Variants in INPPL1 observed in about 807,000 individuals in gnomAD.
The protein encoded by INPPL1 is inositol polyphosphate phosphatase like 1, also known as phosphatidylinositol 3,4,5-trisphosphate 5-phosphatase 2.
In INPPL1, 91 loss-of-function variants were observed where a neutral mutation model predicts 139.3. The observed-to-expected ratio is 0.65, with a 90% CI of 0.55 to 0.78. The LOEUF (loss-of-function observed/expected upper bound fraction) is 0.78. Ranked by LOEUF, INPPL1 falls within the 30% of genes least tolerant of loss-of-function variation. The pLI is 0.00. For synonymous variants in INPPL1, 719 were observed against 686.6 expected (o/e 1.05, Z -0.74); for missense variants, 1,411 against 1,665.6 (o/e 0.85, Z 2.66).
chr11:72,233,470 C>T lies in INPPL1; in HGVS notation c.2070C>T (p.Asp690=), dbSNP rs112721877. Reference sequence around the variant, plus strand: ...GGACCAATGTGCCCTCATGGTGTGACCGGATTCTGTGGAAATCCTACCCTG... The same window carrying T: ...GGACCAATGTGCCCTCATGGTGTGATCGGATTCTGTGGAAATCCTACCCTG... ...GVRTNVPSWC[D]RILWKSYPET... Residue 690 remains aspartate (D), a synonymous_variant, in exon 18 of 28, where the codon GAC becomes GAT. Coordinates refer to ENST00000298229, the MANE Select transcript of INPPL1 (RefSeq NM_001567.4). 19 of 1,614,066 alleles carry T rather than the reference C, an allele frequency of 1.2e-5. No homozygotes were observed. The highest frequency in any genetic ancestry group is 1.6e-4 in the Middle Eastern group (1 of 6,080).
At chr11:72,231,802 G>T (rs546263954) in intron 13 of INPPL1, among the ~76,000 whole-genome samples, 187 bp downstream of exon 13, 1 of 152,166 alleles carries the variant, frequency 6.6e-6, no homozygotes, top group Non-Finnish European at 1.5e-5. Flanking sequence ...GCAAGGCCAG[G>T]ATAATTACCC....
At position 72,235,342 on chromosome 11, in the gene INPPL1, A is replaced by G. The variant is rs1157099238; in HGVS notation, c.2550A>G (p.Gln850=). The change falls in exon 23 of 28, where the codon CAA becomes CAG. Residue 850 remains glutamine (Q), a synonymous_variant. Transcript: ENST00000298229. This position sits in a 1 kb window ranked among gnomAD's most constrained non-coding sequence, Gnocchi z 4.9. The part of the protein sequence containing the change: ...ALKSMIGSTA[Q]QFLTFLSHRG... ...AATCCATGATCGGCAGCACGGCCCA[A>G]CAGTTCCTGACCTTCCTATCCCACC... The G allele has an allele frequency of 6.2e-7, 1 of 1,614,084 alleles. No individual in the cohort carries two copies. The highest frequency in any genetic ancestry group is 8.5e-7 in the Non-Finnish European group (1 of 1,180,018).
intron 1 of INPPL1, among the ~76,000 whole-genome samples, chr11:72,227,240 G>A (rs1404209968): frequency 6.6e-6 from 1 of 152,148 alleles, no homozygotes. Flanking sequence ...GTGGCCTTAG[G>A]AAAATCACTT....
At chr11:72,231,878 A>G (rs1354029669) in intron 13 of INPPL1, among the ~76,000 whole-genome samples, 1 of 152,198 alleles carries the variant, frequency 6.6e-6, no homozygotes, top group Admixed American at 6.5e-5. Flanking sequence ...TCACACAGCA[A>G]GTAAGTGGTG....
Position 72,232,887 on chromosome 11 carries a change from T to G in INPPL1, c.1864T>G (p.Tyr622Asp). The G allele has an allele frequency of 6.2e-7, 1 of 1,614,018 alleles. No individual in the cohort carries two copies. ...LDMDIQEILNYISRKEFEPLL... is the reference protein window; with the variant it reads ...LDMDIQEILNDISRKEFEPLL... Reference sequence around the variant, plus strand: ...TCCTCCACCCCAGGAGATCCTGAACTACATCAGCAGGAAAGAGTTTGAGCC... The same window carrying G: ...TCCTCCACCCCAGGAGATCCTGAACGACATCAGCAGGAAAGAGTTTGAGCC... The change falls in exon 16 of 28, where the codon TAC (tyrosine) becomes GAC (aspartate). Residue 622 changes from tyrosine (Y) to aspartate (D), a missense_variant. By Grantham distance (160) the Tyr-to-Asp change is radical. Transcript: ENST00000298229.
In INPPL1 at chr11:72,232,260, G is replaced by A. The variant is rs376117918; in HGVS notation, c.1636G>A (p.Val546Ile). 71 of 1,556,870 alleles carry A rather than the reference G, an allele frequency of 4.6e-5. No individual in the cohort carries two copies. Among genetic ancestry groups the A allele is most frequent in the Admixed American group, 1.2e-4 (6 of 51,506 alleles). ...NTLGNKGAVG[V>I]SFMFNGTSFG... ...AACAGGGAACAAGGGGGCTGTGGGC[G>A]TCTCCTTCATGTTTAATGGCACCTC... is the stretch of plus-strand genomic sequence containing the variant. The change falls in exon 14 of 28, where the codon GTC (valine) becomes ATC (isoleucine). Residue 546 changes from valine (V) to isoleucine (I), a missense_variant. Physicochemically the swap from Val to Ile is conservative, Grantham distance 29 (BLOSUM62 3). Coordinates refer to ENST00000298229, the MANE Select transcript of INPPL1 (RefSeq NM_001567.4).
intron 1 of INPPL1, 23 bp downstream of exon 1, chr11:72,225,189 G>C (rs1948633988): frequency 1.1e-6 from 1 of 947,548 alleles, no homozygotes; most frequent in Non-Finnish European, 1.4e-6. Flanking sequence ...GGGGCTCCTT[G>C]CGGGCTGGCG....
rs375761722 is a variant in INPPL1, at chr11:72,229,635, G to C, written c.754-28G>C. ...GGGAGGCTCTGCTTAGGTGACTCAT[G>C]TACAAGCCTGGTTCTTCCTCCCCCC... On this transcript the variant is annotated intron_variant, in intron 6 of 27. Coordinates refer to ENST00000298229, the MANE Select transcript of INPPL1 (RefSeq NM_001567.4). The C allele has an allele frequency of 1.2e-5, 20 of 1,613,022 alleles. No homozygotes were observed. In the African/African-American group the frequency reaches 2.4e-4, roughly 19 times the overall value.
At chr11:72,230,505 G>C in intron 10 of INPPL1, 37 bp downstream of exon 10, 2 of 1,576,734 alleles carry the variant, frequency 1.3e-6, no homozygotes, top group Non-Finnish European at 1.7e-6. Flanking sequence ...TGGGGACTGC[G>C]GGGGTCCCCC....
chr11:72,235,939 C>T lies in INPPL1; in HGVS notation c.2832C>T (p.Pro944=). 6.2e-7 allele frequency: 1 copy of T among 1,611,744 alleles called. No individual in the cohort carries two copies. Among genetic ancestry groups the T allele is most frequent in the Non-Finnish European group, 8.5e-7 (1 of 1,179,178 alleles). ...EPEKPPPTGR[P]PAPPRAAPRE... is the part of the protein sequence containing the mutation. ...AGAAACCGCCACCAACGGGGAGGCCCCCAGCCCCACCCCGAGCAGCTCCCC... is the reference window on the plus strand; with the variant it reads ...AGAAACCGCCACCAACGGGGAGGCCTCCAGCCCCACCCCGAGCAGCTCCCC... The change falls in exon 25 of 28, where the codon CCC becomes CCT. Residue 944 remains proline (P), a synonymous_variant. Transcript: ENST00000298229. This position sits in a 1 kb window ranked among gnomAD's most constrained non-coding sequence, Gnocchi z 4.9.
Position 72,230,288 on chromosome 11 carries a change from C to A in INPPL1, c.1090+17C>A. On this transcript the variant is annotated intron_variant, in intron 9 of 27. Transcript: ENST00000298229. ...ACGACCGCAGTGAGCCAGGGCCAGA[C>A]CTGGGAGGGGTGGGCAGGGCGGAGC... is the stretch of plus-strand genomic sequence containing the variant. 1.2e-6 allele frequency: 2 copies of A among 1,609,814 alleles called. No individual in the cohort carries two copies. The highest frequency in any genetic ancestry group is 1.7e-6 in the Non-Finnish European group (2 of 1,177,434).
chr11:72,232,219 C>T, intron 13 of INPPL1, 21 bp from the exon 14 acceptor site: 2 of 1,543,314 alleles, frequency 1.3e-6, no homozygotes, highest in East Asian at 4.9e-5. Context: ...CCAGGCCTTC[C>T]TCTCTTGCTT....
Position 72,225,150 on chromosome 11 carries a change from T to C in INPPL1, c.166T>C (p.Phe56Leu). 1 of 1,230,618 alleles carries C rather than the reference T, an allele frequency of 8.1e-7. No homozygotes were observed. Among genetic ancestry groups the C allele is most frequent in the Non-Finnish European group, 1.0e-6 (1 of 986,986 alleles). 76.2% of individuals were successfully genotyped at this position (1,230,618 alleles called of 1,614,324 possible). ...AGACAGCGAGAGCGTGGCGGGGGCC[T>C]TCGCGCTCTGCGTCCTGTGAGTGGG... is the stretch of plus-strand genomic sequence containing the variant. ...VRDSESVAGAFALCVLYQKHV... is the reference protein window; with the variant it reads ...VRDSESVAGALALCVLYQKHV... The change falls in exon 1 of 28, where the codon TTC becomes CTC. Residue 56 changes from phenylalanine (F) to leucine (L), a missense_variant. Around this residue, in one of 5 missense-constraint regions of INPPL1, gnomAD observed 504 missense variants for 595.6 expected, o/e 0.85. Transcript: ENST00000298229.
At chr11:72,224,474 A>G (rs1049810473), upstream of INPPL1, among the ~76,000 whole-genome samples, 1 of 149,180 alleles carries the variant, frequency 6.7e-6, no homozygotes, top group African/African-American at 2.5e-5. Flanking sequence ...GAGAACTGAG[A>G]AGCGCTGAAT....
At position 72,231,043 on chromosome 11, in the gene INPPL1, C is replaced by G. The variant is rs779086037; in HGVS notation, c.1351C>G (p.Leu451Val). The G allele has an allele frequency of 6.2e-7, 1 of 1,614,112 alleles. No individual in the cohort carries two copies. The highest frequency in any genetic ancestry group is 8.5e-7 in the Non-Finnish European group (1 of 1,180,012). The change falls in exon 12 of 28, where the codon CTG (leucine) becomes GTG (valine). Residue 451 changes from leucine to valine, a missense_variant. By Grantham distance (32) the Leu-to-Val change is conservative. Coordinates refer to ENST00000298229, the MANE Select transcript of INPPL1 (RefSeq NM_001567.4). ...NVTSWFTSKG[L>V]GKTLDEVTVT... is the part of the protein sequence containing the mutation. ...GACATCCTGGTTCACATCGAAGGGT[C>G]TGGGGAAGACCCTGGACGAGGTCAC... is the stretch of plus-strand genomic sequence containing the variant.
At position 72,233,702 on chromosome 11, in the gene INPPL1, A is replaced by C; in HGVS notation, c.2170A>C (p.Thr724Pro). 1 of 1,613,996 alleles carries C rather than the reference A, an allele frequency of 6.2e-7. No homozygotes were observed. The highest frequency in any genetic ancestry group is 1.1e-5 in the South Asian group (1 of 91,064). The change falls in exon 19 of 28, where the codon ACA becomes CCA. Residue 724 changes from threonine (T) to proline (P), a missense_variant. By Grantham distance (38) the Thr-to-Pro change is conservative. This residue lies in a region of INPPL1 where 363 missense variants were observed against 446.2 expected (regional missense o/e 0.81). Coordinates refer to ENST00000298229, the MANE Select transcript of INPPL1 (RefSeq NM_001567.4). ...CAGCGACCATTCCCCCGTGTTTGGGACATTTGAGGTTGGAGTTACCTCCCA... is the reference window on the plus strand; with the variant it reads ...CAGCGACCATTCCCCCGTGTTTGGGCCATTTGAGGTTGGAGTTACCTCCCA... The part of the protein sequence containing the change: ...VTSDHSPVFG[T>P]FEVGVTSQFI...
At position 72,235,544 on chromosome 11, in the gene INPPL1, G is replaced by A. The variant is rs1048613836; in HGVS notation, c.2659+93G>A. 1.9e-6 allele frequency: 3 copies of A among 1,560,530 alleles called. No homozygotes were observed. Among genetic ancestry groups the A allele is most frequent in the Non-Finnish European group, 2.6e-6 (3 of 1,144,758 alleles). ...CATGTTGGAATCTCTGGGATACCTG[G>A]AGGTTCTGCAGCCACAGCTGGGAAT... is the stretch of plus-strand genomic sequence containing the variant. On this transcript the variant is annotated intron_variant, in intron 23 of 27. Coordinates refer to ENST00000298229, the MANE Select transcript of INPPL1 (RefSeq NM_001567.4). This position sits in a 1 kb window ranked among gnomAD's most constrained non-coding sequence, Gnocchi z 4.9.
rs1948861809 is a variant in INPPL1, at chr11:72,232,462, T to C, written c.1712+126T>C. ...TCTCCAGAGACCCCCTGCTCTCTTA[T>C]CCCAATTCAAGACCCTTCTGTTCCT... On this transcript the variant is annotated intron_variant, in intron 14 of 27. Coordinates refer to ENST00000298229, the MANE Select transcript of INPPL1 (RefSeq NM_001567.4). 5 of 1,213,908 alleles carry C rather than the reference T, an allele frequency of 4.1e-6. No individual in the cohort carries two copies. In the South Asian group the frequency reaches 4.2e-5, roughly 10 times the overall value. 75.2% of individuals were successfully genotyped at this position (1,213,908 alleles called of 1,614,324 possible). A position where few individuals can be genotyped will look rare whatever the true frequency, so the allele number is the denominator to read the frequency against.
Position 72,228,587 on chromosome 11 carries a change from C to T in INPPL1, c.397+89C>T. On this transcript the variant is annotated intron_variant, in intron 3 of 27. Transcript: ENST00000298229. The surrounding 1 kb of genome is among the most constrained non-coding windows in gnomAD (Gnocchi z 5.0). ...TCCCCCCTTCTCAACCCCACCTCTC[C>T]TGTAACCCCCTTTCCCTTGGCCATG... 1 of 1,554,542 alleles carries T rather than the reference C, an allele frequency of 6.4e-7. No homozygotes were observed. Among genetic ancestry groups the T allele is most frequent in the Non-Finnish European group, 8.7e-7 (1 of 1,145,708 alleles).
Sources: gnomAD v4.1 joint callset for allele counts (sites outside exome capture counted in the v4.1 genomes callset) on GRCh38, gnomAD v4.1.1 for gene constraint, gnomAD v4.1.1 regional missense constraint, Gnocchi (gnomAD v3.1) non-coding constraint, MANE v1.5 for transcripts, NCBI Gene and HGNC (gene_info 2026-07-23, HGNC 2026-07-21) for gene names.